The following CTNNA3 variants were observed in gnomAD, a reference collection of about 807,000 sequenced individuals.
The protein encoded by CTNNA3 is catenin alpha 3.
A neutral mutation model predicts 95.7 loss-of-function variants in CTNNA3; 76 were observed. The ratio of observed to expected loss-of-function variants is 0.79; its 90% CI spans 0.66 to 0.96. The LOEUF (loss-of-function observed/expected upper bound fraction) is 0.96, where lower values mean the gene tolerates loss of function less well. Ranked by LOEUF, CTNNA3 falls within the 40% of genes least tolerant of loss-of-function variation. The pLI is 0.00. For synonymous variants in CTNNA3, 431 were observed against 374.4 expected (o/e 1.15, Z -1.74); for missense variants, 1,191 against 1,089.8 (o/e 1.09, Z -1.31).
At chr10:66,757,926 C>T (rs1839433221) in intron 9 of CTNNA3, among the ~76,000 whole-genome samples, 1 of 152,056 alleles carries the variant, frequency 6.6e-6, no homozygotes, top group Non-Finnish European at 1.5e-5. Context: ...TAGTATTTAT[C>T]TCCATCATTG....
intron 15 of CTNNA3, among the ~76,000 whole-genome samples, chr10:65,991,153 G>C (rs982804190): frequency 1.3e-5 from 2 of 152,016 alleles, no homozygotes; most frequent in Non-Finnish European, 2.9e-5. Context: ...GGTTACTACA[G>C]CCTTATAATA....
At chr10:66,876,850 T>C (rs1363967044) in intron 7 of CTNNA3, among the ~76,000 whole-genome samples, 1 of 152,138 alleles carries the variant, frequency 6.6e-6, no homozygotes, top group African/African-American at 2.4e-5. Flanking sequence ...AGGTAACTTA[T>C]AAACAGTTGT....
At chr10:66,104,351 C>A (rs1366477401) in intron 13 of CTNNA3, among the ~76,000 whole-genome samples, 1 of 152,196 alleles carries the variant, frequency 6.6e-6, no homozygotes, top group Non-Finnish European at 1.5e-5. Context: ...GAGGCAGGGA[C>A]ATGTCTTCCT....
intron 12 of CTNNA3, among the ~76,000 whole-genome samples, chr10:66,378,647 G>C (rs2092812716): frequency 6.6e-6 from 1 of 152,114 alleles, no homozygotes; most frequent in African/African-American, 2.4e-5. Context: ...ACAAAAGAGT[G>C]GTTCCACATT....
At chr10:67,497,963 C>G (rs1589360353) in intron 5 of CTNNA3, among the ~76,000 whole-genome samples, 1 of 152,248 alleles carries the variant, frequency 6.6e-6, no homozygotes, top group East Asian at 1.9e-4. Context: ...TCAATTTTGG[C>G]TTTTGTTGCC....
At chr10:67,199,095 A>T (rs999742637) in intron 6 of CTNNA3, among the ~76,000 whole-genome samples, 1 of 151,846 alleles carries the variant, frequency 6.6e-6, no homozygotes, top group African/African-American at 2.4e-5. Context: ...TGAGAAGGGG[A>T]CTGACAGGAT....
chr10:66,619,234 T>C (rs1311216545), intron 10 of CTNNA3, among the ~76,000 whole-genome samples: 6 of 151,476 alleles, frequency 4.0e-5, no homozygotes, highest in African/African-American at 9.7e-5. Context: ...GGACTATAAA[T>C]CATGCTGCTA....
At chr10:67,289,480 C>A (rs1171979539) in intron 5 of CTNNA3, among the ~76,000 whole-genome samples, 1 of 152,128 alleles carries the variant, frequency 6.6e-6, no homozygotes, top group Non-Finnish European at 1.5e-5. Flanking sequence ...AGTGTCAAAA[C>A]AAATGATTGT....
At chr10:67,246,344 A>G (rs2132345137) in intron 5 of CTNNA3, among the ~76,000 whole-genome samples, 1 of 152,334 alleles carries the variant, frequency 6.6e-6, no homozygotes, top group South Asian at 2.1e-4. Context: ...CACCAAATGG[A>G]ATCAGCAGAT....
At chr10:67,563,606 C>T (rs976641590) in intron 3 of CTNNA3, among the ~76,000 whole-genome samples, 13 of 152,062 alleles carry the variant, frequency 8.5e-5, no homozygotes, top group African/African-American at 2.9e-4. Context: ...AGTTAAACAC[C>T]AAGAGCAATG....
intron 7 of CTNNA3, among the ~76,000 whole-genome samples, chr10:67,069,116 A>G (rs1437861641): frequency 6.6e-6 from 1 of 151,984 alleles, no homozygotes; most frequent in Non-Finnish European, 1.5e-5. Flanking sequence ...AAGACAAAAG[A>G]AGTGGCATGA....
intron 7 of CTNNA3, among the ~76,000 whole-genome samples, chr10:67,178,975 G>A (rs890478533): frequency 4.8e-4 from 73 of 152,002 alleles, no homozygotes; most frequent in African/African-American, 1.7e-3. Flanking sequence ...TTGATTTATC[G>A]ACAGGTGAGA....
intron 11 of CTNNA3, among the ~76,000 whole-genome samples, chr10:66,395,960 C>A (rs759848636): frequency 6.6e-6 from 1 of 151,800 alleles, no homozygotes; most frequent in Non-Finnish European, 1.5e-5. Flanking sequence ...CTGGAGTTTG[C>A]GTTGTGTGTT....
At chr10:66,172,296 C>A (rs541541394) in intron 13 of CTNNA3, among the ~76,000 whole-genome samples, 51 of 152,146 alleles carry the variant, frequency 3.4e-4, no homozygotes, top group African/African-American at 1.2e-3. Context: ...ATGATCTTTT[C>A]ATTAGTTTAG....
chr10:67,387,169 G>T (rs915243024), intron 5 of CTNNA3, among the ~76,000 whole-genome samples: 1 of 152,134 alleles, frequency 6.6e-6, no homozygotes, highest in Non-Finnish European at 1.5e-5. Context: ...ACTAGGGAGT[G>T]CCAGACAGTG....
At chr10:66,866,852 C>T (rs1844199028) in intron 7 of CTNNA3, among the ~76,000 whole-genome samples, 1 of 152,152 alleles carries the variant, frequency 6.6e-6, no homozygotes, top group African/African-American at 2.4e-5. Flanking sequence ...TGTCCTCTCC[C>T]ATACTCATCT....
chr10:66,467,785 T>A (rs1838977538), intron 11 of CTNNA3, among the ~76,000 whole-genome samples: 1 of 152,094 alleles, frequency 6.6e-6, no homozygotes, highest in South Asian at 2.1e-4. Context: ...TATCATAGCG[T>A]ATGGTAAGTG....
intron 17 of CTNNA3, among the ~76,000 whole-genome samples, chr10:65,928,872 T>A (rs2077206606): frequency 6.6e-6 from 1 of 152,192 alleles, no homozygotes; most frequent in African/African-American, 2.4e-5. Flanking sequence ...TTTAGATTAT[T>A]ATTTCTCTTT....
At chr10:67,056,017 T>C (rs74141778) in intron 7 of CTNNA3, among the ~76,000 whole-genome samples, 1 of 152,110 alleles carries the variant, frequency 6.6e-6, no homozygotes, top group Non-Finnish European at 1.5e-5. Flanking sequence ...TTTTGCCACA[T>C]GTAATATATG....
Sources: allele counts gnomAD v4.1 joint callset (sites outside exome capture counted in the v4.1 genomes callset), GRCh38; gene constraint gnomAD v4.1.1; transcripts MANE v1.5; gene names NCBI Gene and HGNC (gene_info 2026-07-23, HGNC 2026-07-21).